The following COL22A1 variants were observed in gnomAD, a reference collection of about 807,000 sequenced individuals.
COL22A1 encodes the protein collagen type XXII alpha 1 chain, also known as collagen alpha-1(XXII) chain.
COL22A1 carries 221 observed loss-of-function variants against 248.9 expected under a neutral mutation model. The observed-to-expected ratio is 0.89, with a 90% CI of 0.80 to 0.99. The LOEUF is 0.99. Among genes scored for constraint, COL22A1 ranks in the 50% least tolerant of loss-of-function variants. The probability of loss-of-function intolerance (pLI) is 0.00; values close to 1 mark genes in which losing one functional copy is unlikely to be tolerated. For synonymous variants in COL22A1, 891 were observed against 793.4 expected (o/e 1.12, Z -2.07); for missense variants, 2,240 against 2,179.0 (o/e 1.03, Z -0.56).
In COL22A1 at chr8:138,694,816, A is replaced by G; in HGVS notation, c.2646+10T>C. 2 of 1,613,788 alleles carry G rather than the reference A, an allele frequency of 1.2e-6. No individual in the cohort carries two copies. The highest frequency in any genetic ancestry group is 1.7e-6 in the Non-Finnish European group (2 of 1,179,784). ...CAGCCCTGCGGGGGAAGGGGACACAAGAGACTCACCGGTTCCCCAGGCAGG... is the reference window on the plus strand; with the variant it reads ...CAGCCCTGCGGGGGAAGGGGACACAGGAGACTCACCGGTTCCCCAGGCAGG... On this transcript the variant is annotated intron_variant, in intron 33 of 64. Transcript: ENST00000303045.
chr8:138,773,138 C>G (rs990552392), intron 16 of COL22A1, among the ~76,000 whole-genome samples: 2 of 152,234 alleles, frequency 1.3e-5, no homozygotes, highest in Non-Finnish European at 2.9e-5. Flanking sequence ...ACCCACTTTC[C>G]TGGACTGCTG....
At position 138,730,336 on chromosome 8, in the gene COL22A1, T is replaced by C. The variant is rs190436331; in HGVS notation, c.2140-4896A>G. On this transcript the variant is annotated intron_variant, in intron 23 of 64. Coordinates refer to ENST00000303045, the MANE Select transcript of COL22A1 (RefSeq NM_152888.3). ...AGGACCTGCACTATCCTGGAGCACC[T>C]GGAAGAAGTTATCCCTGGAGACCCA... 5.9e-3 allele frequency among the ~76,000 whole-genome samples: 902 copies of C among 152,240 alleles called. 7 individuals are homozygous for C. Among genetic ancestry groups the C allele is most frequent in the African/African-American group, 0.02 (819 of 41,544 alleles).
At chr8:138,717,442 C>T (rs10103039) in intron 27 of COL22A1, among the ~76,000 whole-genome samples, 57,160 of 151,954 alleles carry the variant, frequency 0.38, 11,207 homozygotes, top group Middle Eastern at 0.44. Flanking sequence ...CCACTGCGCC[C>T]GGCCAGAATT....
chr8:138,691,677 GTGTAC>G (rs1564199454), intron 35 of COL22A1, among the ~76,000 whole-genome samples: 88 of 117,172 alleles, frequency 7.5e-4, no homozygotes, highest in East Asian at 1.3e-3. Flanking sequence ...GTGTGTATAT[GTGTAC>G]AGTGCATGTG....
At chr8:138,794,923 T>C (rs556377733) in intron 12 of COL22A1, among the ~76,000 whole-genome samples, 1 of 152,014 alleles carries the variant, frequency 6.6e-6, no homozygotes, top group Non-Finnish European at 1.5e-5. Flanking sequence ...AATGGGGAGA[T>C]GCCAATTAAT....
chr8:138,843,949 C>A, intron 4 of COL22A1, 135 bp downstream of exon 4: 1 of 805,460 alleles, frequency 1.2e-6, no homozygotes, highest in South Asian at 1.5e-5. Flanking sequence ...ATTCAAACCA[C>A]TTTATCAGGA....
chr8:138,668,917 G>GT (rs1191702750), intron 41 of COL22A1, among the ~76,000 whole-genome samples: 2 of 152,226 alleles, frequency 1.3e-5, no homozygotes, highest in African/African-American at 4.8e-5. Context: ...AAGAGGTTTA[G>GT]TGGGGTCGGG....
At chr8:138,669,327 G>T (rs529873607) in intron 41 of COL22A1, among the ~76,000 whole-genome samples, 1 of 152,202 alleles carries the variant, frequency 6.6e-6, no homozygotes, top group Non-Finnish European at 1.5e-5. Context: ...GGCCACGGCC[G>T]TGGGGTCTGA....
intron 50 of COL22A1, among the ~76,000 whole-genome samples, chr8:138,626,749 A>G (rs544619553): frequency 3.3e-5 from 5 of 152,156 alleles, no homozygotes; most frequent in Admixed American, 3.3e-4. Flanking sequence ...AGGCTCCTAC[A>G]TGTTTTACCA....
At chr8:138,743,075 T>TTGATGG (rs1188239344) in intron 22 of COL22A1, among the ~76,000 whole-genome samples, 1 of 136,244 alleles carries the variant, frequency 7.3e-6, no homozygotes, top group Non-Finnish European at 1.6e-5. Flanking sequence ...GATGGTGGAG[T>TTGATGG]TGATGGTGAT....
At chr8:138,860,188 C>T (rs1223782467) in intron 3 of COL22A1, among the ~76,000 whole-genome samples, 1 of 152,196 alleles carries the variant, frequency 6.6e-6, no homozygotes, top group Non-Finnish European at 1.5e-5. Context: ...TTCTACACAT[C>T]ACAAGACCTC....
intron 4 of COL22A1, among the ~76,000 whole-genome samples, chr8:138,837,894 T>C (rs1820557295): frequency 6.6e-6 from 1 of 151,982 alleles, no homozygotes; most frequent in Non-Finnish European, 1.5e-5. Context: ...TGGCCAGAGG[T>C]GGGACGTGTC....
intron 12 of COL22A1, among the ~76,000 whole-genome samples, chr8:138,786,040 G>A (rs867906715): frequency 1.3e-5 from 2 of 152,148 alleles, no homozygotes; most frequent in African/African-American, 4.8e-5. Context: ...CACTCTCCCT[G>A]CCTCCCCATC....
At chr8:138,617,144 C>T (rs976151572) in intron 53 of COL22A1, among the ~76,000 whole-genome samples, 186 bp from the exon 54 acceptor site, 18 of 152,192 alleles carry the variant, frequency 1.2e-4, no homozygotes, top group African/African-American at 4.3e-4. Flanking sequence ...ACCAAGAGCC[C>T]TTCTTCCCAG....
chr8:138,667,134 T>C (rs573810686), intron 41 of COL22A1, among the ~76,000 whole-genome samples: 1 of 152,240 alleles, frequency 6.6e-6, no homozygotes, highest in Admixed American at 6.5e-5. Flanking sequence ...GACTTTCTAA[T>C]GTCATTCCTA....
rs748325138 is a variant in COL22A1, at chr8:138,877,909, G to A, written c.499C>T (p.Arg167Cys). 11 of 1,609,716 alleles carry A rather than the reference G, an allele frequency of 6.8e-6. No individual in the cohort carries two copies. Among genetic ancestry groups the A allele is most frequent in the East Asian group, 4.5e-5 (2 of 44,742 alleles). ...LVLDAAAAAHRAGIRIFAVGV... is the reference protein window; with the variant it reads ...LVLDAAAAAHCAGIRIFAVGV... ...ACGGCAAAGATGCGGATGCCAGCGC[G>A]GTGGGCTGCCGCCGCGGCGTCCAGC... The change falls in exon 3 of 65, where the codon CGC (arginine) becomes TGC (cysteine). Residue 167 changes from arginine (R) to cysteine (C), a missense_variant. Coordinates refer to ENST00000303045, the MANE Select transcript of COL22A1 (RefSeq NM_152888.3).
At position 138,737,458 on chromosome 8, in the gene COL22A1, G is replaced by T. The variant is rs946171546; in HGVS notation, c.2139+66C>A. The T allele has an allele frequency of 4.2e-5, 49 of 1,177,522 alleles. No homozygotes were observed. In the African/African-American group the frequency reaches 6.2e-4, roughly 15 times the overall value. The allele number at this position is 1,177,522 out of a possible 1,614,324, so 72.9% of individuals were successfully genotyped here. A position where few individuals can be genotyped will look rare whatever the true frequency, so the allele number is the denominator to read the frequency against. ...TCTGGCTGCCCACCTGAGAGCTGCT[G>T]CCTGGTCATTTATTTAATCAGAGAA... On this transcript the variant is annotated intron_variant, in intron 23 of 64. Coordinates refer to ENST00000303045, the MANE Select transcript of COL22A1 (RefSeq NM_152888.3).
At chr8:138,766,995 A>G (rs4736184) in intron 16 of COL22A1, among the ~76,000 whole-genome samples, 135,513 of 152,182 alleles carry the variant, frequency 0.89, 60,514 homozygotes, top group East Asian at 1. Flanking sequence ...GGTAGAGGGG[A>G]CATGGGTGGT....
At chr8:138,656,518 C>A (rs1823278789) in intron 44 of COL22A1, among the ~76,000 whole-genome samples, 1 of 152,148 alleles carries the variant, frequency 6.6e-6, no homozygotes, top group Admixed American at 6.6e-5. Flanking sequence ...AGGTAGGAGT[C>A]TGCAGGTGGA....
Sources: allele counts gnomAD v4.1 joint callset (sites outside exome capture counted in the v4.1 genomes callset), GRCh38; gene constraint gnomAD v4.1.1; transcripts MANE v1.5; gene names NCBI Gene and HGNC (gene_info 2026-07-23, HGNC 2026-07-21).